Variants in ZNF566 observed in about 807,000 individuals in gnomAD.
ZNF566 encodes zinc finger protein 566.
In ZNF566, 27 loss-of-function variants were observed where a neutral mutation model predicts 32.8. That is an observed-to-expected ratio of 0.82 (90% CI 0.61 to 1.14). ZNF566 has a LOEUF of 1.14. ZNF566 is among the 50% of genes most tolerant of loss of function. The probability of loss-of-function intolerance (pLI) is 0.00; values close to 1 mark genes in which losing one functional copy is unlikely to be tolerated. For missense variants in ZNF566, 402 were observed against 490.4 expected (o/e 0.82, Z 1.70); for synonymous variants, 154 against 159.5 (o/e 0.97, Z 0.26).
chr19:36,470,726 C>T (rs1170356848), intron 4 of ZNF566, among the ~76,000 whole-genome samples: 2 of 152,054 alleles, frequency 1.3e-5, no homozygotes, highest in African/African-American at 4.8e-5. Context: ...GCCTGGCCAA[C>T]ATGGTGAAAC....
At position 36,449,167 on chromosome 19, in the gene ZNF566, CTAGTAAGG is replaced by C. The variant is rs781142752; in HGVS notation, c.1059_1066del (p.Asp353GlufsTer13). ...CTCCCCAGTATGAATTCTCTGATGT[CTAGTAAGG>C]TCTGAGCCAGAACGAAAAGCCTTTT... On this transcript the variant is annotated frameshift_variant, in exon 5 of 5. Coordinates refer to ENST00000452939, the MANE Select transcript of ZNF566 (RefSeq NM_001145344.1). LOFTEE classifies it high-confidence loss of function. 1 of 1,613,908 alleles carries C rather than the reference CTAGTAAGG, an allele frequency of 6.2e-7. No homozygotes were observed. The highest frequency in any genetic ancestry group is 2.2e-5 in the East Asian group (1 of 44,858).
At chr19:36,482,448 A>G (rs943537471) in intron 1 of ZNF566, among the ~76,000 whole-genome samples, 7 of 152,112 alleles carry the variant, frequency 4.6e-5, no homozygotes, top group African/African-American at 1.7e-4. Flanking sequence ...ACAATCAACC[A>G]GGATGTGGGG....
Position 36,473,389 on chromosome 19 carries a change from GATC to G in ZNF566, c.76_78del (p.Asp26del). On this transcript the variant is annotated inframe_deletion, in exon 3 of 5. Coordinates refer to ENST00000452939, the MANE Select transcript of ZNF566 (RefSeq NM_001145344.1). ...ATCACATCTCTGTATAAATCTCTCT[GATC>G]ATCATTCAGGCATTCCCACTCCTCC... The G allele has an allele frequency of 1.9e-6, 3 of 1,613,754 alleles. No homozygotes were observed. Among genetic ancestry groups the G allele is most frequent in the Non-Finnish European group, 2.5e-6 (3 of 1,179,786 alleles).
intron 4 of ZNF566, among the ~76,000 whole-genome samples, chr19:36,465,967 C>T (rs574428743): frequency 3.8e-4 from 57 of 150,808 alleles, no homozygotes; most frequent in Non-Finnish European, 6.6e-4. Flanking sequence ...AACACACAGA[C>T]GTTTTATGTC....
intron 4 of ZNF566, among the ~76,000 whole-genome samples, chr19:36,471,506 G>A (rs574462304): frequency 3.6e-4 from 54 of 152,102 alleles, no homozygotes; most frequent in African/African-American, 1.3e-3. Context: ...GTGGTCCTCC[G>A]CCCAGTACAG....
At chr19:36,488,124 C>G (rs1383401860) in intron 1 of ZNF566, among the ~76,000 whole-genome samples, 1 of 152,044 alleles carries the variant, frequency 6.6e-6, no homozygotes, top group African/African-American at 2.4e-5. Context: ...GCTCTGTTGC[C>G]CAGGCTGAAG....
chr19:36,475,019 T>A (rs1008011825), intron 2 of ZNF566, among the ~76,000 whole-genome samples: 1 of 152,162 alleles, frequency 6.6e-6, no homozygotes, highest in Non-Finnish European at 1.5e-5. Flanking sequence ...TGAAGGATGA[T>A]CCAGTTTCAC....
At chr19:36,469,170 G>C (rs1182460793) in intron 4 of ZNF566, among the ~76,000 whole-genome samples, 2 of 151,850 alleles carry the variant, frequency 1.3e-5, no homozygotes, top group Non-Finnish European at 2.9e-5. Flanking sequence ...TTATATAAGG[G>C]AGAAAGTATC....
intron 1 of ZNF566, among the ~76,000 whole-genome samples, chr19:36,488,467 C>A (rs2034227151): frequency 6.6e-6 from 1 of 152,262 alleles, no homozygotes; most frequent in South Asian, 2.1e-4. Context: ...TCAAACATTG[C>A]TGTTCAAGTA....
Position 36,447,378 on chromosome 19 carries a change from T to G in ZNF566, c.*1599A>C, listed in dbSNP as rs2033020866. On this transcript the variant is annotated 3_prime_UTR_variant, in exon 5 of 5. Transcript: ENST00000452939. Reference sequence around the variant, plus strand: ...AGTTTTCCTTAGAAAGAAACTGGATTTGGTGCTTCATTAGTAATAGTTAAC... The same window carrying G: ...AGTTTTCCTTAGAAAGAAACTGGATGTGGTGCTTCATTAGTAATAGTTAAC... The G allele has an allele frequency of 6.6e-6, 1 of 152,226 alleles. No homozygotes were observed. Among genetic ancestry groups the G allele is most frequent in the African/African-American group, 2.4e-5 (1 of 41,452 alleles). The allele number at this position is 152,226 out of a possible 1,614,324, so 9.4% of individuals were successfully genotyped here.
chr19:36,488,165 T>C (rs1356071386), intron 1 of ZNF566, among the ~76,000 whole-genome samples: 2 of 152,098 alleles, frequency 1.3e-5, no homozygotes, highest in Non-Finnish European at 2.9e-5. Flanking sequence ...TTCCTGCAGC[T>C]GCAAAGCACT....
rs995498751 is a variant in ZNF566 at position 36,447,230 on chromosome 19, T to C, written c.*1747A>G. 3 of 152,182 alleles carry C rather than the reference T, an allele frequency of 2.0e-5. No individual in the cohort carries two copies. Among genetic ancestry groups the C allele is most frequent in the Non-Finnish European group, 4.4e-5 (3 of 68,052 alleles). The allele number at this position is 152,182 out of a possible 1,614,324, so 9.4% of individuals were successfully genotyped here. On this transcript the variant is annotated 3_prime_UTR_variant, in exon 5 of 5. Transcript: ENST00000452939. ...TGGGGTTTCAACATGTTGGCCAGGC[T>C]GGTCTCAAGCTCCTGGCCTCAAATG... is the stretch of plus-strand genomic sequence containing the variant.
intron 4 of ZNF566, among the ~76,000 whole-genome samples, chr19:36,464,135 T>C (rs1031907069): frequency 2.0e-5 from 3 of 152,130 alleles, no homozygotes; most frequent in Non-Finnish European, 2.9e-5. Context: ...AAAATATGCC[T>C]AAAGAAAAGG....
chr19:36,461,746 T>C (rs1384580944), intron 4 of ZNF566, among the ~76,000 whole-genome samples: 1 of 152,070 alleles, frequency 6.6e-6, no homozygotes, highest in Non-Finnish European at 1.5e-5. Flanking sequence ...TTTTAACAGG[T>C]ATTGACCATG....
chr19:36,453,231 T>C (rs1214882930), intron 4 of ZNF566, among the ~76,000 whole-genome samples: 1 of 151,758 alleles, frequency 6.6e-6, no homozygotes, highest in Non-Finnish European at 1.5e-5. Context: ...TCTCAGGACT[T>C]TGGGAGGCCG....
chr19:36,462,650 A>G (rs1485272049), intron 4 of ZNF566, among the ~76,000 whole-genome samples: 1 of 151,846 alleles, frequency 6.6e-6, no homozygotes, highest in Non-Finnish European at 1.5e-5. Context: ...ATATAGACAT[A>G]TATTTGTGTA....
At chr19:36,455,439 GAAGT>G (rs1480755667) in intron 4 of ZNF566, among the ~76,000 whole-genome samples, 3 of 152,230 alleles carry the variant, frequency 2.0e-5, no homozygotes, top group African/African-American at 7.2e-5. Context: ...AAAACTGTTA[GAAGT>G]AATAAATGTT....
intron 4 of ZNF566, among the ~76,000 whole-genome samples, chr19:36,451,536 G>T (rs188676165): frequency 6.6e-6 from 1 of 152,174 alleles, no homozygotes. Flanking sequence ...GGTACTGACA[G>T]ATCAGAGATA....
At chr19:36,482,051 A>G (rs1568532402) in intron 1 of ZNF566, among the ~76,000 whole-genome samples, 3 of 152,232 alleles carry the variant, frequency 2.0e-5, no homozygotes, top group African/African-American at 7.2e-5. Flanking sequence ...TAAAGCAGAA[A>G]CGAATGAAGT....
Sources: gnomAD v4.1 joint callset for allele counts (sites outside exome capture counted in the v4.1 genomes callset) on GRCh38, gnomAD v4.1.1 for gene constraint, MANE v1.5 for transcripts, NCBI Gene and HGNC (gene_info 2026-07-23, HGNC 2026-07-21) for gene names.